Variants in ACER1 observed in about 807,000 individuals in gnomAD.
ACER1 encodes the protein CTB-180A7.3.
In ACER1, 28 loss-of-function variants were observed where a neutral mutation model predicts 24.9. The ratio of observed to expected loss-of-function variants is 1.13; its 90% confidence interval spans 0.83 to 1.54. ACER1 has a LOEUF of 1.54. Ranked by LOEUF, ACER1 falls within the 40% of genes most tolerant of loss-of-function variation. The pLI, the probability that ACER1 is intolerant of heterozygous loss-of-function variation, is 0.00. For missense variants in ACER1, 352 were observed against 349.3 expected, an observed-to-expected ratio of 1.01 and a Z score of -0.06; for synonymous variants, 132 against 131.4, an observed-to-expected ratio of 1.00 and a Z score of -0.03.
chr19:6,355,921 C>T, the ACER1 span, among the ~76,000 whole-genome samples: 14 of 150,740 alleles, frequency 9.3e-5, no homozygotes, highest in Non-Finnish European at 2.1e-4. Context: ...GCCACCCCTA[C>T]TGGGAAGTGA....
At chr19:6,353,746 A>G in the ACER1 span, among the ~76,000 whole-genome samples, 1 of 151,994 alleles carries the variant, frequency 6.6e-6, no homozygotes, top group African/African-American at 2.4e-5. Context: ...AATTGCTTGA[A>G]CCTGCAAGGG....
chr19:6,332,259 G>A (rs56966625), intron 1 of ACER1, among the ~76,000 whole-genome samples: 21 of 140,710 alleles, frequency 1.5e-4, no homozygotes, highest in East Asian at 6.2e-4. Context: ...GAGCCTCCGC[G>A]CCCGGCCTTT....
upstream of ACER1, among the ~76,000 whole-genome samples, chr19:6,334,328 G>C (rs577468082): frequency 6.6e-6 from 1 of 151,630 alleles, no homozygotes; most frequent in African/African-American, 2.4e-5. Context: ...ATAGGTGTGC[G>C]TGAGCCACCG....
Position 6,306,412 on chromosome 19 carries a change from A to G in ACER1, c.*302T>C. ...CAGTACCTGGTGACACAGTCCCACC[A>G]GCTCATGTGACAATGGTCACTGGGA... is the stretch of plus-strand genomic sequence containing the variant. On this transcript the variant is annotated 3_prime_UTR_variant, in exon 6 of 6. Transcript: ENST00000301452. The G allele has an allele frequency of 3.2e-6, 1 of 310,676 alleles. No individual in the cohort carries two copies. 19.2% of individuals were successfully genotyped at this position (310,676 alleles called of 1,614,324 possible).
At chr19:6,358,953 G>T in the ACER1 span, among the ~76,000 whole-genome samples, 2 of 113,452 alleles carry the variant, frequency 1.8e-5, no homozygotes, top group South Asian at 3.1e-4. Flanking sequence ...AAAAAAAAGA[G>T]TCCAGCTGGG....
chr19:6,310,673 G>A (rs937451717), intron 3 of ACER1, among the ~76,000 whole-genome samples: 2 of 151,872 alleles, frequency 1.3e-5, no homozygotes, highest in Non-Finnish European at 2.9e-5. Flanking sequence ...GAGCTCAGGA[G>A]TTCGAGACCA....
chr19:6,343,430 AAT>A, the ACER1 span, among the ~76,000 whole-genome samples: 4 of 151,960 alleles, frequency 2.6e-5, no homozygotes, highest in African/African-American at 9.7e-5. Flanking sequence ...CTCCACTCCC[AAT>A]ATGTGGCCTC....
At position 6,312,305 on chromosome 19, in the gene ACER1, G is replaced by A; in HGVS notation, c.209-15C>T. On this transcript the variant is annotated splice_polypyrimidine_tract_variant and intron_variant, in intron 2 of 5. Transcript: ENST00000301452. Reference sequence around the variant, plus strand: ...GGAGAACAGGCCTGCAGCGGCAAGGGCAGGCGGTCAGTGGGGTCCGCCACC... The same window carrying A: ...GGAGAACAGGCCTGCAGCGGCAAGGACAGGCGGTCAGTGGGGTCCGCCACC... 1 of 1,613,946 alleles carries A rather than the reference G, an allele frequency of 6.2e-7. No homozygotes were observed. Among genetic ancestry groups the A allele is most frequent in the Non-Finnish European group, 8.5e-7 (1 of 1,179,926 alleles).
chr19:6,323,270 A>G (rs2091640872), intron 1 of ACER1, among the ~76,000 whole-genome samples: 1 of 152,014 alleles, frequency 6.6e-6, no homozygotes, highest in Admixed American at 6.6e-5. Flanking sequence ...AATACAAAAA[A>G]TTAGCTGGGC....
At chr19:6,331,659 T>C (rs748746923) in intron 1 of ACER1, among the ~76,000 whole-genome samples, 8 of 151,740 alleles carry the variant, frequency 5.3e-5, no homozygotes, top group African/African-American at 9.7e-5. Flanking sequence ...CCAGGCGTGG[T>C]GGTGGGAACC....
chr19:6,332,635 G>A (rs2091693670), intron 1 of ACER1, among the ~76,000 whole-genome samples: 1 of 151,862 alleles, frequency 6.6e-6, no homozygotes, highest in Admixed American at 6.6e-5. Flanking sequence ...GACCACCTCA[G>A]AATGTCCAGA....
chr19:6,357,777 A>G, the ACER1 span, among the ~76,000 whole-genome samples: 1 of 150,728 alleles, frequency 6.6e-6, no homozygotes, highest in Non-Finnish European at 1.5e-5. Flanking sequence ...AAAAAAAAAA[A>G]TTAGCTTTTT....
upstream of ACER1, among the ~76,000 whole-genome samples, chr19:6,338,390 A>G (rs1463181914): frequency 6.6e-6 from 1 of 152,228 alleles, no homozygotes; most frequent in Non-Finnish European, 1.5e-5. Flanking sequence ...GAGAAAATGA[A>G]AAGAAAATTG....
rs1325482602 is a variant in ACER1 at position 6,306,278 on chromosome 19, C to A, written c.*436G>T. ...GGCCAGGCTAGTCTTGAACTTCTGA[C>A]CTCAGGTGATCCACCCACCTCGGCC... On this transcript the variant is annotated 3_prime_UTR_variant, in exon 6 of 6. Coordinates refer to ENST00000301452, the MANE Select transcript of ACER1 (RefSeq NM_133492.3). 6.5e-6 allele frequency: 1 copy of A among 154,640 alleles called. No homozygotes were observed. Among genetic ancestry groups the A allele is most frequent in the Non-Finnish European group, 1.4e-5 (1 of 69,618 alleles). The allele number at this position is 154,640 out of a possible 1,614,324, so 9.6% of individuals were successfully genotyped here.
chr19:6,330,886 G>A (rs926271104), intron 1 of ACER1, among the ~76,000 whole-genome samples: 15 of 149,678 alleles, frequency 1.0e-4, no homozygotes, highest in Non-Finnish European at 2.1e-4. Flanking sequence ...AAGCCCCGGG[G>A]TGAAAGGCAA....
At chr19:6,326,417 C>A (rs1054141071) in intron 1 of ACER1, among the ~76,000 whole-genome samples, 1 of 151,766 alleles carries the variant, frequency 6.6e-6, no homozygotes, top group Non-Finnish European at 1.5e-5. Context: ...TGAGCCACTG[C>A]GCCCGGCCTA....
intron 1 of ACER1, among the ~76,000 whole-genome samples, chr19:6,326,900 T>C (rs773111772): frequency 6.6e-6 from 1 of 152,166 alleles, no homozygotes; most frequent in Non-Finnish European, 1.5e-5. Flanking sequence ...TACAGGAACA[T>C]ACTTTCTCCT....
the ACER1 span, among the ~76,000 whole-genome samples, chr19:6,359,575 C>A: frequency 6.6e-6 from 1 of 152,014 alleles, no homozygotes; most frequent in East Asian, 1.9e-4. Context: ...GTCTTGGGCT[C>A]CCAAAGTGCT....
At chr19:6,309,411 A>C (rs1450545368) in intron 4 of ACER1, among the ~76,000 whole-genome samples, 1 of 151,696 alleles carries the variant, frequency 6.6e-6, no homozygotes, top group Non-Finnish European at 1.5e-5. Context: ...AGTCCCAGCT[A>C]CTTGGGAGGC....
Sources: allele counts gnomAD v4.1 joint callset (sites outside exome capture counted in the v4.1 genomes callset), GRCh38; gene constraint gnomAD v4.1.1; transcripts MANE v1.5; gene names NCBI Gene and HGNC (gene_info 2026-07-23, HGNC 2026-07-21).